Variants in RAB3IP observed in about 807,000 individuals in gnomAD.
RAB3IP encodes the protein rab-3A-interacting protein.
Under a neutral mutation model 59.1 loss-of-function variants are expected in RAB3IP, and 36 were observed. The observed-to-expected ratio is 0.61, with a 90% CI of 0.47 to 0.80. The LOEUF (loss-of-function observed/expected upper bound fraction) is 0.80. Ranked by LOEUF, RAB3IP falls within the 30% of genes least tolerant of loss-of-function variation. RAB3IP has a pLI of 0.00. For missense variants in RAB3IP, 511 were observed against 536.0 expected (o/e 0.95, Z 0.46); for synonymous variants, 207 against 191.2 (o/e 1.08, Z -0.68).
At chr12:69,785,878 G>T (rs1322959522) in intron 4 of RAB3IP, among the ~76,000 whole-genome samples, 3 of 152,210 alleles carry the variant, frequency 2.0e-5, no homozygotes, top group Non-Finnish European at 4.4e-5. Flanking sequence ...CCCTGGGGGT[G>T]AGGTGAGGGT....
At chr12:69,750,202 A>G (rs1248878057) in intron 1 of RAB3IP, among the ~76,000 whole-genome samples, 1 of 152,152 alleles carries the variant, frequency 6.6e-6, no homozygotes, top group African/African-American at 2.4e-5. Flanking sequence ...CTCAACGAAT[A>G]CTAGCTGTTA....
chr12:69,787,067 A>T (rs1875798113), intron 4 of RAB3IP, among the ~76,000 whole-genome samples: 1 of 152,026 alleles, frequency 6.6e-6, no homozygotes, highest in Non-Finnish European at 1.5e-5. Flanking sequence ...CTTTTTTTGC[A>T]CTTTATATGT....
rs1298163539 is a variant in RAB3IP, at chr12:69,817,522, G to A, written c.*2076G>A. ...TATAAATTCTTAATTTAGAAATCGT[G>A]CATCAGTAGTTAGGCATTGTGGCTC... is the stretch of plus-strand genomic sequence containing the variant. On this transcript the variant is annotated 3_prime_UTR_variant, in exon 11 of 11. Coordinates refer to ENST00000247833, the MANE Select transcript of RAB3IP (RefSeq NM_022456.5). 4.6e-5 allele frequency: 7 copies of A among 151,922 alleles called. No homozygotes were observed. The highest frequency in any genetic ancestry group is 7.3e-5 in the African/African-American group (3 of 41,364). The allele number at this position is 151,922 out of a possible 1,614,324, so 9.4% of individuals were successfully genotyped here. A position where few individuals can be genotyped will look rare whatever the true frequency, so the allele number is the denominator to read the frequency against.
At chr12:69,753,907 AT>A (rs763177534) in intron 1 of RAB3IP, among the ~76,000 whole-genome samples, 10 of 152,162 alleles carry the variant, frequency 6.6e-5, no homozygotes, top group Non-Finnish European at 1.3e-4. Context: ...TTGTGATATA[AT>A]TGAATAGTTA....
chr12:69,770,086 G>A (rs569781479), intron 3 of RAB3IP, among the ~76,000 whole-genome samples: 1 of 152,124 alleles, frequency 6.6e-6, no homozygotes, highest in South Asian at 2.1e-4. Context: ...CAGTTTAAGA[G>A]AGTCTTCCTA....
In RAB3IP at chr12:69,822,423, A is replaced by G. The variant is rs1303430470; in HGVS notation, c.*6977A>G. 1.3e-5 allele frequency: 2 copies of G among 151,940 alleles called. No homozygotes were observed. Among genetic ancestry groups the G allele is most frequent in the Non-Finnish European group, 2.9e-5 (2 of 68,038 alleles). 9.4% of individuals were successfully genotyped at this position (151,940 alleles called of 1,614,324 possible). On this transcript the variant is annotated 3_prime_UTR_variant, in exon 11 of 11. Transcript: ENST00000247833. The stretch of plus-strand genomic sequence containing the variant: ...ATGCCCCACACCCAAGCAGATAGAA[A>G]CTGTCAATAGATACACTTAGAATGA...
intron 3 of RAB3IP, among the ~76,000 whole-genome samples, chr12:69,764,186 T>C (rs1871822471): frequency 6.6e-6 from 1 of 152,188 alleles, no homozygotes. Context: ...TCCAGAATGG[T>C]GTTTCCTAGG....
chr12:69,810,246 C>A (rs1020943150), intron 8 of RAB3IP, among the ~76,000 whole-genome samples: 1 of 152,184 alleles, frequency 6.6e-6, no homozygotes, highest in Non-Finnish European at 1.5e-5. Context: ...GCTGCCTGAT[C>A]GTTCCTCTGG....
intron 1 of RAB3IP, among the ~76,000 whole-genome samples, chr12:69,748,120 A>C (rs183228344): frequency 6.6e-6 from 1 of 151,608 alleles, no homozygotes; most frequent in Non-Finnish European, 1.5e-5. Flanking sequence ...CCATTTGTCA[A>C]GGTAAGTCCA....
rs1224340101 is a variant in RAB3IP, at chr12:69,784,776, T to C, written c.567T>C (p.Leu189=). The change falls in exon 4 of 11, where the codon CTT becomes CTC. Residue 189 remains leucine, a synonymous_variant. Transcript: ENST00000247833. ...GGCTTTCAAAAGTGCGAGATCAACTTGGACAGGAATTGGAAGAACTCACAG... is the reference window on the plus strand; with the variant it reads ...GGCTTTCAAAAGTGCGAGATCAACTCGGACAGGAATTGGAAGAACTCACAG... ...CERLSKVRDQ[L]GQELEELTAS... 1 of 1,610,524 alleles carries C rather than the reference T, an allele frequency of 6.2e-7. No homozygotes were observed.
intron 8 of RAB3IP, among the ~76,000 whole-genome samples, chr12:69,806,691 A>G (rs935067734): frequency 6.6e-6 from 1 of 151,274 alleles, no homozygotes; most frequent in Non-Finnish European, 1.5e-5. Context: ...CACGTGAACA[A>G]AGGTCTCTGG....
At chr12:69,814,549 A>T (rs1298979216) in intron 10 of RAB3IP, among the ~76,000 whole-genome samples, 2 of 151,998 alleles carry the variant, frequency 1.3e-5, no homozygotes, top group Non-Finnish European at 2.9e-5. Context: ...CATTTGTAAG[A>T]TGTTTAATAG....
rs1333150813 is a variant in RAB3IP, at chr12:69,820,886, A to G, written c.*5440A>G. 1 of 149,468 alleles carries G rather than the reference A, an allele frequency of 6.7e-6. No individual in the cohort carries two copies. The allele number at this position is 149,468 out of a possible 1,614,324, so 9.3% of individuals were successfully genotyped here. A position where few individuals can be genotyped will look rare whatever the true frequency, so the allele number is the denominator to read the frequency against. ...AAAAAAAAAAAAAAACCCAAACTCAATAGAAAATCAAGTTTTCATAGTGGT... is the reference window on the plus strand; with the variant it reads ...AAAAAAAAAAAAAAACCCAAACTCAGTAGAAAATCAAGTTTTCATAGTGGT... On this transcript the variant is annotated 3_prime_UTR_variant, in exon 11 of 11. Coordinates refer to ENST00000247833, the MANE Select transcript of RAB3IP (RefSeq NM_022456.5).
At chr12:69,796,929 A>C (rs769529204) in intron 6 of RAB3IP, among the ~76,000 whole-genome samples, 4 of 152,224 alleles carry the variant, frequency 2.6e-5, no homozygotes, top group Non-Finnish European at 4.4e-5. Flanking sequence ...AAATCCCTTA[A>C]AATGTGCATA....
At position 69,778,451 on chromosome 12, in the gene RAB3IP, C is replaced by T. The variant is rs1470061542; in HGVS notation, c.511-6269C>T. Reference sequence around the variant, plus strand: ...TTCTCCATCCAGCTTTGTTCTGTTGCTGGTGAGGAACTGCGTTCCTTTGGA... The same window carrying T: ...TTCTCCATCCAGCTTTGTTCTGTTGTTGGTGAGGAACTGCGTTCCTTTGGA... On this transcript the variant is annotated intron_variant, in intron 3 of 10. Coordinates refer to ENST00000247833, the MANE Select transcript of RAB3IP (RefSeq NM_022456.5). Among the ~76,000 whole-genome samples, 13 of 143,712 alleles carry T rather than the reference C, an allele frequency of 9.0e-5. 1 individual carries two copies. Among genetic ancestry groups the T allele is most frequent in the Admixed American group, 1.4e-4 (2 of 14,218 alleles). The allele number at this position is 143,712 out of a possible 152,430, so 94.3% of individuals were successfully genotyped here.
Position 69,743,366 on chromosome 12 carries a change from A to G in RAB3IP, c.-26+4335A>G, listed in dbSNP as rs545030466. Among the ~76,000 whole-genome samples, 6 of 152,364 alleles carry G rather than the reference A, an allele frequency of 3.9e-5. No individual in the cohort carries two copies. In the East Asian group the frequency reaches 1.2e-3, roughly 29 times the overall value. On this transcript the variant is annotated intron_variant, in intron 1 of 10. Coordinates refer to ENST00000247833, the MANE Select transcript of RAB3IP (RefSeq NM_022456.5). ...GAATCATATTTGAACTACATGCCTC[A>G]TAAAGACTAGTTTTCCCTTTCTTTC...
chr12:69,806,025 GA>G lies in RAB3IP; in HGVS notation c.1130+4305del, dbSNP rs200251850. ...TGCTGGCCTCATAAAATGTGTTAGG[GA>G]GGATTCCCTCTTTTTCTATTTATTG... On this transcript the variant is annotated intron_variant, in intron 8 of 10. Transcript: ENST00000247833. 6.8e-3 allele frequency among the ~76,000 whole-genome samples: 1,033 copies of G among 152,316 alleles called. 8 individuals are homozygous for G. The highest frequency in any genetic ancestry group is 0.023 in the African/African-American group (951 of 41,554).
chr12:69,819,667 T>A lies in RAB3IP; in HGVS notation c.*4221T>A, dbSNP rs1881493030. On this transcript the variant is annotated 3_prime_UTR_variant, in exon 11 of 11. Coordinates refer to ENST00000247833, the MANE Select transcript of RAB3IP (RefSeq NM_022456.5). The stretch of plus-strand genomic sequence containing the variant: ...CATGCTGATTATGTTCAGGAGAGTG[T>A]TTCTACGCTGAATTTAATTGCCAAG... 1 of 152,174 alleles carries A rather than the reference T, an allele frequency of 6.6e-6. No individual in the cohort carries two copies. The highest frequency in any genetic ancestry group is 1.5e-5 in the Non-Finnish European group (1 of 68,040). The allele number at this position is 152,174 out of a possible 1,614,324, so 9.4% of individuals were successfully genotyped here.
At chr12:69,807,773 G>A (rs558225554) in intron 8 of RAB3IP, among the ~76,000 whole-genome samples, 45 of 148,318 alleles carry the variant, frequency 3.0e-4, no homozygotes, top group African/African-American at 1.1e-3. Context: ...GGGCAGAGGC[G>A]CTCCTCACCT....
Sources: allele counts gnomAD v4.1 joint callset (sites outside exome capture counted in the v4.1 genomes callset), GRCh38; gene constraint gnomAD v4.1.1; transcripts MANE v1.5; gene names NCBI Gene and HGNC (gene_info 2026-07-23, HGNC 2026-07-21).